PGCKA1: variants seen among roughly 807,000 people sequenced by gnomAD.
The protein encoded by PGCKA1 is PDCD10 and GCKIII kinases-associated protein 1.
chr4:37,504,086 A>G, the PGCKA1 span, among the ~76,000 whole-genome samples: 5 of 152,160 alleles, frequency 3.3e-5, no homozygotes, highest in African/African-American at 9.7e-5. Flanking sequence ...GAGGTCTTAG[A>G]TTTAAGGCTT....
At chr4:37,575,563 C>T in the PGCKA1 span, among the ~76,000 whole-genome samples, 69,987 of 151,794 alleles carry the variant, frequency 0.46, 17,432 homozygotes, top group African/African-American at 0.65. Flanking sequence ...CTCTTCACTC[C>T]GTTGATTGTT....
chr4:37,476,355 TC>T, the PGCKA1 span, among the ~76,000 whole-genome samples: 1 of 152,196 alleles, frequency 6.6e-6, no homozygotes, highest in South Asian at 2.1e-4. Flanking sequence ...GTCACAGAAA[TC>T]ACTTCTCTGT....
chr4:37,491,246 G>T, the PGCKA1 span, among the ~76,000 whole-genome samples: 1 of 152,036 alleles, frequency 6.6e-6, no homozygotes, highest in African/African-American at 2.4e-5. Context: ...TTGACTTTCC[G>T]CTATGGAAGA....
the PGCKA1 span, among the ~76,000 whole-genome samples, chr4:37,585,226 G>C: frequency 2.3e-4 from 3 of 13,204 alleles, 1 homozygote; most frequent in East Asian, 3.6e-3. Context: ...GAGGGGAGAG[G>C]AGAGGTATTG....
At chr4:37,482,783 T>C in the PGCKA1 span, among the ~76,000 whole-genome samples, 1 of 152,176 alleles carries the variant, frequency 6.6e-6, no homozygotes, top group Non-Finnish European at 1.5e-5. Flanking sequence ...CAGGCTCACC[T>C]GCTCTGTGCA....
At chr4:37,470,508 A>AAG in the PGCKA1 span, among the ~76,000 whole-genome samples, 1 of 152,142 alleles carries the variant, frequency 6.6e-6, no homozygotes, top group South Asian at 2.1e-4. Context: ...CTTCCCTGTG[A>AAG]AAAGGGTGGA....
the PGCKA1 span, among the ~76,000 whole-genome samples, chr4:37,578,588 A>G: frequency 5.9e-5 from 9 of 151,684 alleles, no homozygotes; most frequent in African/African-American, 9.7e-5. Flanking sequence ...CTGCCATTTT[A>G]TTTGTTTTCT....
chr4:37,523,459 A>G, the PGCKA1 span, among the ~76,000 whole-genome samples: 6 of 151,544 alleles, frequency 4.0e-5, no homozygotes, highest in Non-Finnish European at 7.4e-5. Flanking sequence ...ATGAGGGCAC[A>G]CTGATTTTTG....
chr4:37,578,629 T>C, the PGCKA1 span, among the ~76,000 whole-genome samples: 3 of 152,220 alleles, frequency 2.0e-5, no homozygotes, highest in Non-Finnish European at 4.4e-5. Context: ...TTCCTTCATT[T>C]CTTCTTTTCT....
the PGCKA1 span, among the ~76,000 whole-genome samples, chr4:37,463,070 A>G: frequency 6.6e-6 from 1 of 152,088 alleles, no homozygotes; most frequent in Non-Finnish European, 1.5e-5. Context: ...TGAGGCCTAA[A>G]GAGAGAATGG....
chr4:37,577,742 T>G, the PGCKA1 span, among the ~76,000 whole-genome samples: 22,552 of 152,064 alleles, frequency 0.15, 4,587 homozygotes, highest in African/African-American at 0.46. Flanking sequence ...TTTGGTCTCG[T>G]GTTTCCATGA....
At chr4:37,579,023 A>C in the PGCKA1 span, among the ~76,000 whole-genome samples, 2 of 152,146 alleles carry the variant, frequency 1.3e-5, no homozygotes, top group Non-Finnish European at 2.9e-5. Flanking sequence ...GCGCCATTGC[A>C]CTCCAGCCTG....
the PGCKA1 span, among the ~76,000 whole-genome samples, chr4:37,514,065 T>C: frequency 1.3e-5 from 2 of 152,200 alleles, no homozygotes; most frequent in Non-Finnish European, 2.9e-5. Flanking sequence ...TCAAAACTTA[T>C]ATTGAATTCT....
At chr4:37,526,624 A>G in the PGCKA1 span, among the ~76,000 whole-genome samples, 1 of 152,210 alleles carries the variant, frequency 6.6e-6, no homozygotes, top group Non-Finnish European at 1.5e-5. Flanking sequence ...ATCTCATAAA[A>G]TTATACTGGA....
At chr4:37,539,896 AT>A in the PGCKA1 span, among the ~76,000 whole-genome samples, 1 of 152,358 alleles carries the variant, frequency 6.6e-6, no homozygotes, top group Admixed American at 6.5e-5. Flanking sequence ...AAAACAGGGT[AT>A]TTAGCATATG....
chr4:37,525,615 G>A, the PGCKA1 span, among the ~76,000 whole-genome samples: 1 of 152,076 alleles, frequency 6.6e-6, no homozygotes, highest in African/African-American at 2.4e-5. Flanking sequence ...AAAATATATT[G>A]CAGTCAGCTT....
chr4:37,540,811 A>G, the PGCKA1 span, among the ~76,000 whole-genome samples: 1 of 152,082 alleles, frequency 6.6e-6, no homozygotes, highest in Non-Finnish European at 1.5e-5. Context: ...GTTGGGGGGA[A>G]CCCATCAAAG....
At chr4:37,453,951 C>T in the PGCKA1 span, 1 of 154,814 alleles carries the variant, frequency 6.5e-6, no homozygotes, top group African/African-American at 2.4e-5. Flanking sequence ...CGCGGAGCCG[C>T]TAGCGTCTCC....
chr4:37,466,277 A>G, the PGCKA1 span, among the ~76,000 whole-genome samples: 1 of 152,326 alleles, frequency 6.6e-6, no homozygotes, highest in South Asian at 2.1e-4. Flanking sequence ...TATCTGAAAT[A>G]TTAATGAAAT....
Sources: gnomAD v4.1 joint callset for allele counts (sites outside exome capture counted in the v4.1 genomes callset) on GRCh38, gnomAD v4.1.1 for gene constraint, MANE v1.5 for transcripts, NCBI Gene and HGNC (gene_info 2026-07-23, HGNC 2026-07-21) for gene names.